The following ABTB3 variants were observed in gnomAD, a reference collection of about 807,000 sequenced individuals.
ABTB3 encodes ankyrin repeat and BTB domain containing 3, also known as ankyrin repeat- and BTB/POZ domain-containing protein 3.
the ABTB3 span, chr12:107,319,765 C>T: frequency 0.1 from 149,632 of 1,492,452 alleles, 9,070 homozygotes; most frequent in East Asian, 0.27. Context: ...CAGGCCCGAG[C>T]TCGGGCCCTG....
chr12:107,649,245 C>G, the ABTB3 span: 1 of 1,613,858 alleles, frequency 6.2e-7, no homozygotes, highest in African/African-American at 1.3e-5. Flanking sequence ...CCCAGAGTCA[C>G]TGCTCATTAA....
the ABTB3 span, chr12:107,620,248 G>C: frequency 5.9e-6 from 9 of 1,526,068 alleles, no homozygotes; most frequent in Non-Finnish European, 8.0e-6. Context: ...TTAGCCTGCT[G>C]TTCCCCTTTG....
chr12:107,322,353 T>C, the ABTB3 span, among the ~76,000 whole-genome samples: 1 of 152,210 alleles, frequency 6.6e-6, no homozygotes, highest in East Asian at 1.9e-4. Flanking sequence ...TTGTGATCTC[T>C]TCATGCCTTT....
the ABTB3 span, among the ~76,000 whole-genome samples, chr12:107,540,453 C>T: frequency 1.8e-4 from 27 of 152,292 alleles, no homozygotes; most frequent in African/African-American, 6.3e-4. Flanking sequence ...TCTGAAAATA[C>T]TCTCACAGAC....
At chr12:107,400,521 A>G in the ABTB3 span, among the ~76,000 whole-genome samples, 1 of 152,134 alleles carries the variant, frequency 6.6e-6, no homozygotes, top group African/African-American at 2.4e-5. Context: ...GTTTGCATGC[A>G]TGTGGCCATT....
At chr12:107,617,474 G>T in the ABTB3 span, 2 of 1,608,296 alleles carry the variant, frequency 1.2e-6, no homozygotes, top group East Asian at 2.2e-5. Context: ...GTCCCGAGTG[G>T]TGTTTGTTAA....
chr12:107,442,743 G>C, the ABTB3 span, among the ~76,000 whole-genome samples: 3 of 152,184 alleles, frequency 2.0e-5, no homozygotes, highest in East Asian at 3.8e-4. Flanking sequence ...AGGAGGAAAG[G>C]GGGTTGTGGG....
At chr12:107,543,081 A>T in the ABTB3 span, among the ~76,000 whole-genome samples, 11 of 152,178 alleles carry the variant, frequency 7.2e-5, no homozygotes, top group African/African-American at 2.7e-4. Context: ...TATGCCTGTA[A>T]TCCCAGCACT....
the ABTB3 span, chr12:107,657,617 G>T: frequency 3.6e-5 from 58 of 1,614,082 alleles, 1 homozygote; most frequent in Admixed American, 8.3e-4. Context: ...TGACAAAAAT[G>T]GTGAAGGGAC....
the ABTB3 span, among the ~76,000 whole-genome samples, chr12:107,405,958 G>C: frequency 6.6e-6 from 1 of 152,142 alleles, no homozygotes; most frequent in Non-Finnish European, 1.5e-5. Context: ...AGATTACCTT[G>C]GAAAGCCTGT....
At chr12:107,644,147 G>A in the ABTB3 span, among the ~76,000 whole-genome samples, 5 of 152,102 alleles carry the variant, frequency 3.3e-5, no homozygotes, top group Admixed American at 2.0e-4. Context: ...TCTAGTTAGC[G>A]ATAGAGCCAG....
the ABTB3 span, among the ~76,000 whole-genome samples, chr12:107,495,153 C>G: frequency 6.6e-6 from 1 of 152,202 alleles, no homozygotes; most frequent in Admixed American, 6.5e-5. Context: ...CATGCCCTCT[C>G]CCTTGGTAGT....
chr12:107,392,511 A>G, the ABTB3 span, among the ~76,000 whole-genome samples: 1 of 152,160 alleles, frequency 6.6e-6, no homozygotes, highest in Non-Finnish European at 1.5e-5. Context: ...GTCTGGGCCC[A>G]GATCGTTCTC....
At chr12:107,427,601 A>G in the ABTB3 span, among the ~76,000 whole-genome samples, 2 of 152,188 alleles carry the variant, frequency 1.3e-5, no homozygotes, top group Non-Finnish European at 2.9e-5. Flanking sequence ...CAGATAATAC[A>G]GGATAATCTT....
the ABTB3 span, among the ~76,000 whole-genome samples, chr12:107,342,644 C>T: frequency 2.6e-5 from 4 of 152,170 alleles, no homozygotes; most frequent in South Asian, 2.1e-4. Flanking sequence ...TCCTGGCACT[C>T]TCTAATTCTG....
the ABTB3 span, chr12:107,319,445 G>T: frequency 6.2e-7 from 1 of 1,607,512 alleles, no homozygotes; most frequent in Non-Finnish European, 8.5e-7. Context: ...CATGGAGATC[G>T]TGCTGTCCTG....
the ABTB3 span, among the ~76,000 whole-genome samples, chr12:107,534,993 A>T: frequency 9.8e-5 from 15 of 152,328 alleles, no homozygotes; most frequent in African/African-American, 3.6e-4. Flanking sequence ...ACAACAAAAA[A>T]GAAAATTATA....
At chr12:107,375,578 G>A in the ABTB3 span, among the ~76,000 whole-genome samples, 6 of 152,210 alleles carry the variant, frequency 3.9e-5, no homozygotes, top group Admixed American at 6.5e-5. Context: ...GCCCGGTGCC[G>A]TTCTACCTCT....
the ABTB3 span, among the ~76,000 whole-genome samples, chr12:107,549,849 A>C: frequency 6.6e-6 from 1 of 152,174 alleles, no homozygotes; most frequent in Non-Finnish European, 1.5e-5. Flanking sequence ...GACTCTCGTA[A>C]CTAGCTGTGT....
Sources: allele counts gnomAD v4.1 joint callset (sites outside exome capture counted in the v4.1 genomes callset), GRCh38; gene constraint gnomAD v4.1.1; transcripts MANE v1.5; gene names NCBI Gene and HGNC (gene_info 2026-07-23, HGNC 2026-07-21).